TTC7A: variants seen among roughly 807,000 people sequenced by gnomAD.
The protein encoded by TTC7A is tetratricopeptide repeat protein 7A.
A neutral mutation model predicts 103.7 loss-of-function variants in TTC7A; 110 were observed. The observed-to-expected ratio is 1.06, with a 90% CI of 0.91 to 1.24. The LOEUF is 1.24. Among genes scored for constraint, TTC7A ranks in the 50% most tolerant of loss-of-function variants. TTC7A has a pLI of 0.00. For missense variants in TTC7A, 1,340 were observed against 1,116.3 expected (o/e 1.20, Z -2.86); for synonymous variants, 521 against 467.9 (o/e 1.11, Z -1.47).
At chr2:46,961,184 A>G (rs1672338514) in intron 3 of TTC7A, among the ~76,000 whole-genome samples, 1 of 152,180 alleles carries the variant, frequency 6.6e-6, no homozygotes, top group Admixed American at 6.5e-5. Context: ...TTCCCAGCCG[A>G]TTCCAGGTGC....
At chr2:47,003,557 C>T (rs1026701542) in intron 8 of TTC7A, among the ~76,000 whole-genome samples, 23 of 152,200 alleles carry the variant, frequency 1.5e-4, no homozygotes, top group Non-Finnish European at 3.2e-4. Flanking sequence ...TGATGGCTCG[C>T]AGCCCACTAT....
intron 9 of TTC7A, 87 bp from the exon 10 acceptor site, chr2:47,006,554 C>T: frequency 1.6e-6 from 2 of 1,224,524 alleles, no homozygotes; most frequent in South Asian, 2.5e-5. Context: ...AAAGCGGTGA[C>T]TTGGGCAGTA....
intron 2 of TTC7A, among the ~76,000 whole-genome samples, chr2:46,919,106 G>A (rs1461072864): frequency 6.6e-6 from 1 of 152,130 alleles, no homozygotes; most frequent in Non-Finnish European, 1.5e-5. Flanking sequence ...CCTATGTAGG[G>A]GATTCCAGAG....
chr2:47,016,964 C>T (rs924326858), intron 11 of TTC7A, among the ~76,000 whole-genome samples: 5 of 151,972 alleles, frequency 3.3e-5, no homozygotes, highest in South Asian at 4.2e-4. Flanking sequence ...CTTGGGAGGC[C>T]GAGGTGGGTG....
chr2:46,980,333 C>T (rs1428214190), intron 5 of TTC7A, among the ~76,000 whole-genome samples: 1 of 151,728 alleles, frequency 6.6e-6, no homozygotes, highest in African/African-American at 2.4e-5. Context: ...GATCCTCCCA[C>T]CTCAGCCTCC....
intron 5 of TTC7A, among the ~76,000 whole-genome samples, chr2:46,979,400 T>A (rs1362705303): frequency 6.6e-6 from 1 of 151,978 alleles, no homozygotes; most frequent in East Asian, 1.9e-4. Context: ...ATGGTAGAAG[T>A]GAAGTTCTGG....
chr2:46,976,553 G>A lies in TTC7A; in HGVS notation c.648+1450G>A, dbSNP rs150809864. Among the ~76,000 whole-genome samples the A allele has an allele frequency of 1.5e-3, 233 of 152,328 alleles. 9 individuals carry two copies. The highest frequency in any genetic ancestry group is 3.4e-3 in the Middle Eastern group (1 of 294). ...ATGCCAAAATGTCAGTCCAGTACCC[G>A]TTTTTGTGATGGGCCATTTTGGAAG... On this transcript the variant is annotated intron_variant, in intron 4 of 19. Coordinates refer to ENST00000319190, the MANE Select transcript of TTC7A (RefSeq NM_020458.4).
In TTC7A at chr2:47,030,865, G is replaced by A. The variant is rs1013623058; in HGVS notation, c.1802+1481G>A. On this transcript the variant is annotated intron_variant, in intron 15 of 19. Transcript: ENST00000319190. Reference sequence around the variant, plus strand: ...AGCAGCATTCAAGAGACTACTAAAGGCCAGGCGCAGTGGCTCATGCCTATA... The same window carrying A: ...AGCAGCATTCAAGAGACTACTAAAGACCAGGCGCAGTGGCTCATGCCTATA... 3.9e-5 allele frequency among the ~76,000 whole-genome samples: 6 copies of A among 152,228 alleles called. No homozygotes were observed. The East Asian group carries it at 7.7e-4, about 20-fold the overall frequency.
rs553855353 is a variant in TTC7A at position 47,012,363 on chromosome 2, C to T, written c.1392+928C>T. 7.2e-5 allele frequency among the ~76,000 whole-genome samples: 11 copies of T among 152,346 alleles called. No individual in the cohort carries two copies. The South Asian group carries it at 2.3e-3, about 32-fold the overall frequency. ...CCTCCCACATGATGGATATCAGGCC[C>T]TTCTCCACCCACATCTCCCCAGTTC... On this transcript the variant is annotated intron_variant, in intron 11 of 19. Coordinates refer to ENST00000319190, the MANE Select transcript of TTC7A (RefSeq NM_020458.4).
At chr2:46,966,692 A>G (rs142216107) in intron 3 of TTC7A, among the ~76,000 whole-genome samples, 57 of 139,582 alleles carry the variant, frequency 4.1e-4, no homozygotes, top group African/African-American at 1.1e-3. Context: ...GATGGGGTCT[A>G]TGTTGCAAGG....
chr2:47,071,914 G>C (rs1318268173), intron 19 of TTC7A, among the ~76,000 whole-genome samples: 1 of 152,224 alleles, frequency 6.6e-6, no homozygotes, highest in African/African-American at 2.4e-5. Flanking sequence ...TCCGGCCCTG[G>C]CCCTCTCTGG....
chr2:47,001,950 G>A (rs1676866974), intron 8 of TTC7A, among the ~76,000 whole-genome samples: 1 of 152,074 alleles, frequency 6.6e-6, no homozygotes, highest in Admixed American at 6.6e-5. Flanking sequence ...GTTTCTCATG[G>A]GCCAGCCTGC....
At chr2:47,072,203 G>A (rs145298725) in intron 19 of TTC7A, among the ~76,000 whole-genome samples, 47 of 152,280 alleles carry the variant, frequency 3.1e-4, no homozygotes, top group Non-Finnish European at 2.6e-4. Flanking sequence ...CCCATCTGGC[G>A]AGAGCGTAAG....
intron 5 of TTC7A, among the ~76,000 whole-genome samples, chr2:46,981,745 G>A (rs745595539): frequency 6.6e-6 from 1 of 152,224 alleles, no homozygotes. Flanking sequence ...AAAGCACACC[G>A]TTCTGGCCCA....
chr2:46,966,578 C>T (rs961884273), intron 3 of TTC7A, among the ~76,000 whole-genome samples: 1 of 141,618 alleles, frequency 7.1e-6, no homozygotes, highest in African/African-American at 2.5e-5. Flanking sequence ...GTCATTGGAC[C>T]TGTATGCTAA....
At chr2:47,047,543 C>T (rs1682449682) in intron 16 of TTC7A, among the ~76,000 whole-genome samples, 1 of 152,238 alleles carries the variant, frequency 6.6e-6, no homozygotes, top group South Asian at 2.1e-4. Flanking sequence ...ACCTGCATTC[C>T]GATGGCCTTG....
chr2:46,940,745 A>G (rs1417732601), upstream of TTC7A, among the ~76,000 whole-genome samples: 2 of 152,184 alleles, frequency 1.3e-5, no homozygotes, highest in Non-Finnish European at 2.9e-5. This position sits in a 1 kb window ranked among gnomAD's most constrained non-coding sequence, Gnocchi z 4.7. Context: ...GGGCCTGGGA[A>G]CGGGCCTGGG....
chr2:46,980,660 G>A (rs753506403), intron 5 of TTC7A, among the ~76,000 whole-genome samples: 19 of 152,198 alleles, frequency 1.2e-4, no homozygotes, highest in African/African-American at 4.3e-4. Context: ...CTGGGCCCTG[G>A]CTGGGGCAGG....
Position 46,974,997 on chromosome 2 carries a change from A to T in TTC7A, c.542A>T (p.Asn181Ile). 1 of 1,613,758 alleles carries T rather than the reference A, an allele frequency of 6.2e-7. No homozygotes were observed. Among genetic ancestry groups the T allele is most frequent in the Non-Finnish European group, 8.5e-7 (1 of 1,179,850 alleles). The change falls in exon 4 of 20, where the codon AAC becomes ATC. Residue 181 changes from asparagine to isoleucine, a missense_variant. By Grantham distance (149) the Asn-to-Ile change is moderately radical. Coordinates refer to ENST00000319190, the MANE Select transcript of TTC7A (RefSeq NM_020458.4). The stretch of plus-strand genomic sequence containing the variant: ...GGCCTCTCTCTGGAACGCCTACCCA[A>T]CTCCATCGCCTCCCGCTTCCGCCTG... ...IKGLSLERLPNSIASRFRLTE... is the reference protein window; with the variant it reads ...IKGLSLERLPISIASRFRLTE...
Sources: gnomAD v4.1 joint callset for allele counts (sites outside exome capture counted in the v4.1 genomes callset) on GRCh38, gnomAD v4.1.1 for gene constraint, Gnocchi (gnomAD v3.1) non-coding constraint, MANE v1.5 for transcripts, NCBI Gene and HGNC (gene_info 2026-07-23, HGNC 2026-07-21) for gene names.